The following KIAA0513 variants were observed in gnomAD, a reference collection of about 807,000 sequenced individuals.
KIAA0513 encodes uncharacterized protein KIAA0513.
A neutral mutation model predicts 56.5 loss-of-function variants in KIAA0513; 39 were observed. That is an observed-to-expected ratio of 0.69 (90% CI 0.53 to 0.90). The LOEUF (loss-of-function observed/expected upper bound fraction) is 0.90. KIAA0513 is among the 40% of genes least tolerant of loss of function. The pLI, the probability that KIAA0513 is intolerant of heterozygous loss-of-function variation, is 0.00. For synonymous variants in KIAA0513, 268 were observed against 215.6 expected (o/e 1.24, Z -2.13); for missense variants, 591 against 535.2 (o/e 1.10, Z -1.03).
In KIAA0513 at chr16:85,055,463, A is replaced by G. The variant is rs547708923; in HGVS notation, c.-172-11437A>G. ...TGTTCTGCCTCGTCTTCAAAGACAG[A>G]AAGTGAAAGTGAAGTCCCTTGCTAA... is the stretch of plus-strand genomic sequence containing the variant. On this transcript the variant is annotated intron_variant, in intron 1 of 12. Coordinates refer to ENST00000683363, the MANE Select transcript of KIAA0513 (RefSeq NM_001388359.1). Among the ~76,000 whole-genome samples, 35 of 152,358 alleles carry G rather than the reference A, an allele frequency of 2.3e-4. No homozygotes were observed. The South Asian group carries it at 7.0e-3, about 31-fold the overall frequency.
Position 85,067,304 on chromosome 16 carries a change from TCTC to T in KIAA0513, c.238_240del (p.Ser80del). On this transcript the variant is annotated inframe_deletion, in exon 2 of 13. Transcript: ENST00000683363. Reference sequence around the variant, plus strand: ...CGCCGTTCCTCCTCCAACGAGTCCTTCTCCTCCAACCAGAGCACCGAGTCTACC... The same window carrying T: ...CGCCGTTCCTCCTCCAACGAGTCCTTCTCCAACCAGAGCACCGAGTCTACC... The T allele has an allele frequency of 5.6e-6, 9 of 1,613,152 alleles. No homozygotes were observed. Among genetic ancestry groups the T allele is most frequent in the South Asian group, 1.1e-5 (1 of 91,062 alleles).
intron 10 of KIAA0513, among the ~76,000 whole-genome samples, chr16:85,086,206 C>A (rs2073805887): frequency 6.6e-6 from 1 of 152,200 alleles, no homozygotes; most frequent in South Asian, 2.1e-4. Context: ...TAAAAACGTT[C>A]CCTGGGCCAC....
chr16:85,059,712 G>A (rs921615504), intron 1 of KIAA0513, among the ~76,000 whole-genome samples: 2 of 152,184 alleles, frequency 1.3e-5, no homozygotes, highest in African/African-American at 4.8e-5. Context: ...TCTGATAATA[G>A]GGTCATTGAT....
At chr16:85,051,757 G>C (rs1286044390) in intron 1 of KIAA0513, among the ~76,000 whole-genome samples, 1 of 151,350 alleles carries the variant, frequency 6.6e-6, no homozygotes, top group Non-Finnish European at 1.5e-5. Context: ...TGCTGGCGGG[G>C]TTTGTTTGGG....
chr16:85,086,760 G>GGGGAGGGCCCACCCT, intron 11 of KIAA0513, 36 bp downstream of exon 11: 2 of 1,566,236 alleles, frequency 1.3e-6, no homozygotes, highest in Non-Finnish European at 1.7e-6. Flanking sequence ...AGGGGAGAGG[G>GGGGAGGGCCCACCCT]GGGAGGGCCC....
rs2073739037 is a variant in KIAA0513, at chr16:85,081,199, T to A, written c.903-116T>A. ...TTCTCAGCCCTACCTCTCTGAGACTTCTTAGAAGCTCAGACAGATGTGAGA... is the reference window on the plus strand; with the variant it reads ...TTCTCAGCCCTACCTCTCTGAGACTACTTAGAAGCTCAGACAGATGTGAGA... On this transcript the variant is annotated intron_variant, in intron 8 of 12. Coordinates refer to ENST00000683363, the MANE Select transcript of KIAA0513 (RefSeq NM_001388359.1). The surrounding 1 kb of genome is among the most constrained non-coding windows in gnomAD (Gnocchi z 4.4). The A allele has an allele frequency of 3.3e-6, 3 of 922,784 alleles. No individual in the cohort carries two copies. In the South Asian group the frequency reaches 4.0e-5, roughly 12 times the overall value. 57.2% of individuals were successfully genotyped at this position (922,784 alleles called of 1,614,324 possible).
intron 1 of KIAA0513, among the ~76,000 whole-genome samples, chr16:85,055,982 C>T (rs2073323379): frequency 6.6e-6 from 1 of 152,242 alleles, no homozygotes; most frequent in South Asian, 2.1e-4. Flanking sequence ...CCCCAGTCCC[C>T]ATCCTGGCCT....
Position 85,073,017 on chromosome 16 carries a change from C to G in KIAA0513, c.503+19C>G, listed in dbSNP as rs2073601706. The G allele has an allele frequency of 3.7e-6, 6 of 1,606,148 alleles. No individual in the cohort carries two copies. Among genetic ancestry groups the G allele is most frequent in the Non-Finnish European group, 5.1e-6 (6 of 1,173,136 alleles). On this transcript the variant is annotated intron_variant, in intron 4 of 12. Coordinates refer to ENST00000683363, the MANE Select transcript of KIAA0513 (RefSeq NM_001388359.1). Reference sequence around the variant, plus strand: ...TGTTCGAGTAAGTAATGCCGTGGCACAAAGCCTTTGTCCTGGCAAGCTCCT... The same window carrying G: ...TGTTCGAGTAAGTAATGCCGTGGCAGAAAGCCTTTGTCCTGGCAAGCTCCT...
At chr16:85,030,644 G>C (rs2072951327) in intron 1 of KIAA0513, among the ~76,000 whole-genome samples, 1 of 151,862 alleles carries the variant, frequency 6.6e-6, no homozygotes, top group African/African-American at 2.4e-5. Flanking sequence ...CTACTCAGGA[G>C]GCTGAGGCAG....
intron 1 of KIAA0513, among the ~76,000 whole-genome samples, chr16:85,046,534 A>G (rs1007430678): frequency 6.6e-6 from 1 of 152,208 alleles, no homozygotes; most frequent in African/African-American, 2.4e-5. Context: ...TCATTCTCAC[A>G]AGAAAGAATC....
intron 1 of KIAA0513, among the ~76,000 whole-genome samples, chr16:85,050,379 T>G (rs1348204691): frequency 6.6e-6 from 1 of 151,452 alleles, no homozygotes; most frequent in Non-Finnish European, 1.5e-5. Context: ...AGACGGACTC[T>G]TGTTCTGTCA....
At chr16:85,063,718 G>A (rs183618965) in intron 1 of KIAA0513, 1 of 152,084 alleles carries the variant, frequency 6.6e-6, no homozygotes, top group Non-Finnish European at 1.5e-5. Flanking sequence ...AATGAAAGAG[G>A]AAATCACCCT....
At chr16:85,060,896 G>A (rs1405716062) in intron 1 of KIAA0513, among the ~76,000 whole-genome samples, 2 of 151,296 alleles carry the variant, frequency 1.3e-5, no homozygotes, top group African/African-American at 2.4e-5. Context: ...GCTCACACCT[G>A]TAATCCTAGC....
At chr16:85,037,362 G>A (rs2073048779) in intron 1 of KIAA0513, among the ~76,000 whole-genome samples, 2 of 152,076 alleles carry the variant, frequency 1.3e-5, no homozygotes, top group South Asian at 4.2e-4. Context: ...CTTGAGTCAG[G>A]GGATATCGGG....
At chr16:85,036,545 T>C (rs1384844884) in intron 1 of KIAA0513, among the ~76,000 whole-genome samples, 1 of 152,126 alleles carries the variant, frequency 6.6e-6, no homozygotes, top group Non-Finnish European at 1.5e-5. Context: ...TGGGAAAGAG[T>C]GCCGGTGCCT....
At position 85,072,907 on chromosome 16, in the gene KIAA0513, C is replaced by A. The variant is rs1176204659; in HGVS notation, c.430-18C>A. 3.7e-6 allele frequency: 6 copies of A among 1,613,418 alleles called. No individual in the cohort carries two copies. The Admixed American group carries it at 1.0e-4, about 27-fold the overall frequency. ...GTCGCCCTGAACCTCAATGATGTGT[C>A]TGCCTCTTTCTGGACAGCGCTGCAA... On this transcript the variant is annotated intron_variant, in intron 3 of 12. Coordinates refer to ENST00000683363, the MANE Select transcript of KIAA0513 (RefSeq NM_001388359.1).
Position 85,071,862 on chromosome 16 carries a change from G to C in KIAA0513, c.409G>C (p.Ala137Pro). ...SENGKGREWFARYVSAQRCNS... is the reference protein window; with the variant it reads ...SENGKGREWFPRYVSAQRCNS... ...AAATGGAAAAGGCCGGGAGTGGTTT[G>C]CTCGATACGTGAGTGCCCAGGTAAG... Residue 137 changes from alanine (A) to proline (P), a missense_variant, in exon 3 of 13, where the codon GCT becomes CCT. Ala to Pro is a conservative substitution (Grantham distance 27, BLOSUM62 -1). Coordinates refer to ENST00000683363, the MANE Select transcript of KIAA0513 (RefSeq NM_001388359.1). The C allele has an allele frequency of 6.2e-7, 1 of 1,610,738 alleles. No homozygotes were observed. The highest frequency in any genetic ancestry group is 8.5e-7 in the Non-Finnish European group (1 of 1,178,860).
intron 1 of KIAA0513, among the ~76,000 whole-genome samples, chr16:85,050,680 A>C (rs977819540): frequency 1.3e-4 from 20 of 151,722 alleles, no homozygotes; most frequent in African/African-American, 4.8e-4. Flanking sequence ...GGGCTGACTC[A>C]CCCCTTGTTT....
At chr16:85,030,859 C>T (rs901283893) in intron 1 of KIAA0513, among the ~76,000 whole-genome samples, 35 of 152,000 alleles carry the variant, frequency 2.3e-4, no homozygotes, top group African/African-American at 8.0e-4. Flanking sequence ...AAGGAATTCA[C>T]GGGGAGGTTG....
Sources: allele counts gnomAD v4.1 joint callset (sites outside exome capture counted in the v4.1 genomes callset), GRCh38; gene constraint gnomAD v4.1.1; non-coding constraint Gnocchi (gnomAD v3.1); transcripts MANE v1.5; gene names NCBI Gene and HGNC (gene_info 2026-07-23, HGNC 2026-07-21).